The following DOCK5 variants were observed in gnomAD, a reference collection of about 807,000 sequenced individuals.
DOCK5 encodes dedicator of cytokinesis protein 5.
In DOCK5, 142 loss-of-function variants were observed where a neutral mutation model predicts 251.8. The ratio of observed to expected loss-of-function variants is 0.56; its 90% CI spans 0.49 to 0.65. The LOEUF (loss-of-function observed/expected upper bound fraction) is 0.65, where lower values mean the gene tolerates loss of function less well. Among genes scored for constraint, DOCK5 ranks in the 30% least tolerant of loss-of-function variants. DOCK5 has a pLI of 0.00. For synonymous variants in DOCK5, 842 were observed against 835.5 expected (o/e 1.01, Z -0.13); for missense variants, 2,111 against 2,312.3 (o/e 0.91, Z 1.79).
intron 2 of DOCK5, among the ~76,000 whole-genome samples, chr8:25,257,274 G>A (rs1264106084): frequency 2.0e-5 from 3 of 152,118 alleles, no homozygotes; most frequent in Non-Finnish European, 4.4e-5. Flanking sequence ...ATCGAGCTAC[G>A]GCCTTTCATG....
In DOCK5 at chr8:25,408,895, C is replaced by T; in HGVS notation, c.5359C>T (p.Pro1787Ser). The change falls in exon 50 of 52, where the codon CCC (proline) becomes TCC (serine). Residue 1787 changes from proline (P) to serine (S), a missense_variant. Around this residue, in one of 3 missense-constraint regions of DOCK5, gnomAD observed 1,717 missense variants for 1,892.4 expected, o/e 0.91. Coordinates refer to ENST00000276440, the MANE Select transcript of DOCK5 (RefSeq NM_024940.8). ...FHGSSPPQSTPLSPPPLTPKA... is the reference protein window; with the variant it reads ...FHGSSPPQSTSLSPPPLTPKA... ...CGGTTCTTCACCTCCTCAGTCAACA[C>T]CCTTGAGCCCACCTCCACTCACTCC... The T allele has an allele frequency of 6.2e-7, 1 of 1,613,992 alleles. No homozygotes were observed. Among genetic ancestry groups the T allele is most frequent in the Non-Finnish European group, 8.5e-7 (1 of 1,179,894 alleles).
At chr8:25,277,402 TG>T (rs549692854) in intron 4 of DOCK5, 4 of 152,222 alleles carry the variant, frequency 2.6e-5, no homozygotes, top group Non-Finnish European at 4.4e-5. Context: ...AAACTGTTGC[TG>T]GGTCAAGTTC....
chr8:25,199,317 A>C (rs1473227638), intron 1 of DOCK5, among the ~76,000 whole-genome samples: 1 of 151,948 alleles, frequency 6.6e-6, no homozygotes, highest in Non-Finnish European at 1.5e-5. Flanking sequence ...TCATCTTCTG[A>C]AGACTTAGGA....
chr8:25,274,023 C>G (rs1246863079), intron 3 of DOCK5, among the ~76,000 whole-genome samples: 2 of 152,186 alleles, frequency 1.3e-5, no homozygotes, highest in African/African-American at 2.4e-5. Context: ...GAAGCACATG[C>G]AGGATCCACT....
chr8:25,221,131 G>T (rs1161088110), intron 1 of DOCK5, among the ~76,000 whole-genome samples: 2 of 151,942 alleles, frequency 1.3e-5, no homozygotes, highest in Non-Finnish European at 2.9e-5. Context: ...CCCCATTGTT[G>T]GGTATTTAGC....
At chr8:25,387,186 C>CTTT (rs71551804) in intron 40 of DOCK5, among the ~76,000 whole-genome samples, 1 of 124,648 alleles carries the variant, frequency 8.0e-6, no homozygotes. Context: ...AGACCAGTGA[C>CTTT]TTTTTTTTTT....
At chr8:25,306,153 T>C (rs937078371) in intron 11 of DOCK5, among the ~76,000 whole-genome samples, 4 of 151,970 alleles carry the variant, frequency 2.6e-5, no homozygotes, top group Non-Finnish European at 5.9e-5. Flanking sequence ...TCAGATAAAA[T>C]AAAATATAAG....
At chr8:25,399,481 G>GA (rs1169471810) in intron 45 of DOCK5, among the ~76,000 whole-genome samples, 1 of 152,158 alleles carries the variant, frequency 6.6e-6, no homozygotes, top group Non-Finnish European at 1.5e-5. Flanking sequence ...GGGACGAGCA[G>GA]AAAAACTGTC....
rs139668470 is a variant in DOCK5, at chr8:25,292,230, C to T, written c.470+58C>T. 3.8e-4 allele frequency: 561 copies of T among 1,473,342 alleles called. 2 individuals are homozygous for T. In the African/African-American group the frequency reaches 5.5e-3, roughly 14 times the overall value. The allele number at this position is 1,473,342 out of a possible 1,614,324, so 91.3% of individuals were successfully genotyped here. On this transcript the variant is annotated intron_variant, in intron 6 of 51. Transcript: ENST00000276440. Reference sequence around the variant, plus strand: ...ACTTGGCGAACAGTGGGCATGTTCACGCTAATGACACTGTTTGCAGCGACC... The same window carrying T: ...ACTTGGCGAACAGTGGGCATGTTCATGCTAATGACACTGTTTGCAGCGACC...
At chr8:25,375,964 G>A in intron 37 of DOCK5, 1 of 707,722 alleles carries the variant, frequency 1.4e-6, no homozygotes, top group Non-Finnish European at 1.7e-6. Context: ...CAGGCGTGGT[G>A]GCACCTGCCT....
At chr8:25,346,451 A>C (rs935666138) in intron 26 of DOCK5, among the ~76,000 whole-genome samples, 1 of 152,100 alleles carries the variant, frequency 6.6e-6, no homozygotes, top group African/African-American at 2.4e-5. Flanking sequence ...TTGGACACTG[A>C]TACTTTCTCT....
intron 3 of DOCK5, among the ~76,000 whole-genome samples, chr8:25,275,171 C>A (rs1391307545): frequency 2.0e-5 from 3 of 152,188 alleles, no homozygotes; most frequent in Non-Finnish European, 2.9e-5. Context: ...CCTATGCTCT[C>A]TGAACCCAAA....
At chr8:25,213,455 C>T (rs970110549) in intron 1 of DOCK5, among the ~76,000 whole-genome samples, 10 of 150,594 alleles carry the variant, frequency 6.6e-5, no homozygotes, top group Non-Finnish European at 2.9e-5. Flanking sequence ...TTGTGTGCGT[C>T]TGGTAGTGTC....
chr8:25,329,922 C>T (rs1406930200), intron 18 of DOCK5, among the ~76,000 whole-genome samples: 1 of 152,220 alleles, frequency 6.6e-6, no homozygotes, highest in Non-Finnish European at 1.5e-5. Flanking sequence ...AACCCCGTGT[C>T]ACTGCTCTCC....
At chr8:25,389,739 A>G (rs1286212477) in intron 41 of DOCK5, among the ~76,000 whole-genome samples, 2 of 152,194 alleles carry the variant, frequency 1.3e-5, no homozygotes, top group Admixed American at 6.5e-5. Context: ...TCCCTCATGT[A>G]GAGTTGTTGT....
At chr8:25,214,364 C>T (rs956955953) in intron 1 of DOCK5, among the ~76,000 whole-genome samples, 2 of 152,028 alleles carry the variant, frequency 1.3e-5, no homozygotes, top group Non-Finnish European at 2.9e-5. Flanking sequence ...GAGCCTGGAC[C>T]CCGTGTTGGG....
Position 25,390,283 on chromosome 8 carries a change from T to G in DOCK5, c.4351T>G (p.Leu1451Val). The change falls in exon 42 of 52, where the codon TTA becomes GTA. Residue 1451 changes from leucine (L) to valine (V), a missense_variant. Leu to Val is a conservative substitution (Grantham distance 32). Transcript: ENST00000276440. ...YKDKPVPEQI[L>V]NYYRANEVQQ... ...GGATAAACCTGTTCCAGAGCAGATC[T>G]TAAAGTAAGTGGTTTTTCATTTAAA... is the stretch of plus-strand genomic sequence containing the variant. 1 of 1,569,554 alleles carries G rather than the reference T, an allele frequency of 6.4e-7. No individual in the cohort carries two copies. The highest frequency in any genetic ancestry group is 1.2e-5 in the South Asian group (1 of 84,954).
intron 27 of DOCK5, among the ~76,000 whole-genome samples, chr8:25,352,447 G>A (rs1800488275): frequency 6.6e-6 from 1 of 152,052 alleles, no homozygotes; most frequent in African/African-American, 2.4e-5. Context: ...TATTTTCTGT[G>A]CACTCTATCT....
chr8:25,187,253 A>G (rs189922098), intron 1 of DOCK5, among the ~76,000 whole-genome samples: 7 of 146,348 alleles, frequency 4.8e-5, no homozygotes, highest in African/African-American at 1.8e-4. Flanking sequence ...ATACACACAC[A>G]CACACACGTA....
Sources: gnomAD v4.1 joint callset for allele counts (sites outside exome capture counted in the v4.1 genomes callset) on GRCh38, gnomAD v4.1.1 for gene constraint, gnomAD v4.1.1 regional missense constraint, MANE v1.5 for transcripts, NCBI Gene and HGNC (gene_info 2026-07-23, HGNC 2026-07-21) for gene names.